The following PCDHA3 variants were observed in gnomAD, a reference collection of about 807,000 sequenced individuals.
PCDHA3 encodes protocadherin alpha 3, also known as protocadherin alpha-3.
In PCDHA3, 41 loss-of-function variants were observed where a neutral mutation model predicts 62.2. The observed-to-expected ratio is 0.66, with a 90% CI of 0.51 to 0.86. The LOEUF (loss-of-function observed/expected upper bound fraction) is 0.86, where lower values mean the gene tolerates loss of function less well. Among genes scored for constraint, PCDHA3 ranks in the 40% least tolerant of loss-of-function variants. The pLI is 0.00. For missense variants in PCDHA3, 1,304 were observed against 1,241.2 expected (o/e 1.05, Z -0.76); for synonymous variants, 640 against 555.4 (o/e 1.15, Z -2.14).
intron 3 of PCDHA3, among the ~76,000 whole-genome samples, chr5:141,000,416 TA>T (rs1479552208): frequency 1.6e-3 from 150 of 93,344 alleles, no homozygotes; most frequent in Non-Finnish European, 2.1e-3. Flanking sequence ...TATATATATA[TA>T]TATATTTTTT....
intron 1 of PCDHA3, chr5:140,967,336 C>T (rs782067589): frequency 5.0e-6 from 8 of 1,607,396 alleles, no homozygotes; most frequent in Admixed American, 1.7e-5. Context: ...TCAGCCCCAG[C>T]GAGCACTTCG....
chr5:140,833,120 T>G (rs1772308754), intron 1 of PCDHA3, among the ~76,000 whole-genome samples: 3 of 152,202 alleles, frequency 2.0e-5, no homozygotes, highest in Non-Finnish European at 4.4e-5. Context: ...TCAAAGTCAT[T>G]TGAAAGCTGT....
At chr5:140,873,141 C>A (rs1275722582) in intron 1 of PCDHA3, among the ~76,000 whole-genome samples, 3 of 152,064 alleles carry the variant, frequency 2.0e-5, no homozygotes, top group African/African-American at 7.2e-5. Flanking sequence ...TATGCTGAAG[C>A]CTATTCATAG....
chr5:140,903,884 A>C (rs1466107424), intron 1 of PCDHA3, among the ~76,000 whole-genome samples: 1 of 152,214 alleles, frequency 6.6e-6, no homozygotes, highest in Non-Finnish European at 1.5e-5. Context: ...AAGACATTGA[A>C]TCTTGACCTG....
chr5:141,005,308 TA>T (rs1345689314), intron 3 of PCDHA3, among the ~76,000 whole-genome samples: 4 of 152,214 alleles, frequency 2.6e-5, no homozygotes, highest in Non-Finnish European at 4.4e-5. Context: ...TTGTGAATCT[TA>T]CAGTGGTAGA....
At chr5:140,998,591 T>A (rs2097823979) in intron 3 of PCDHA3, among the ~76,000 whole-genome samples, 1 of 150,884 alleles carries the variant, frequency 6.6e-6, no homozygotes, top group Non-Finnish European at 1.5e-5. Context: ...TGAGACAGAG[T>A]TTTGCTCTTG....
At chr5:140,829,620 T>C (rs1770444149) in intron 1 of PCDHA3, 2 of 1,612,108 alleles carry the variant, frequency 1.2e-6, no homozygotes, top group East Asian at 4.5e-5. Context: ...TACATTTCGG[T>C]GCACGCGGAG....
chr5:140,823,472 T>C lies in PCDHA3; in HGVS notation c.2394+19881T>C, dbSNP rs2150126128. 4.3e-6 allele frequency: 7 copies of C among 1,613,286 alleles called. No individual in the cohort carries two copies. The African/African-American group carries it at 5.3e-5, about 12-fold the overall frequency. On this transcript the variant is annotated intron_variant, in intron 1 of 3. Coordinates refer to ENST00000522353, the MANE Select transcript of PCDHA3 (RefSeq NM_018906.3). ...AACGACAACGCGCCGGCGCTGCTGG[T>C]GCCTCGAGTGGGTGGCACCGGCGGC...
intron 1 of PCDHA3, among the ~76,000 whole-genome samples, chr5:140,977,308 A>G (rs2096754925): frequency 6.6e-6 from 1 of 152,230 alleles, no homozygotes; most frequent in South Asian, 2.1e-4. Context: ...CAAGCTAACG[A>G]TAGTGCTCCT....
chr5:140,809,297 A>T, intron 1 of PCDHA3: 1 of 1,614,102 alleles, frequency 6.2e-7, no homozygotes, highest in Non-Finnish European at 8.5e-7. Flanking sequence ...GATCATTGCC[A>T]TCTGCGCGGT....
intron 1 of PCDHA3, chr5:140,830,300 C>T: frequency 6.2e-7 from 1 of 1,613,888 alleles, no homozygotes; most frequent in Non-Finnish European, 8.5e-7. Flanking sequence ...GGCGGACAAG[C>T]CCACGCTGGT....
chr5:140,896,465 C>A (rs967658819), intron 1 of PCDHA3, among the ~76,000 whole-genome samples: 2 of 151,988 alleles, frequency 1.3e-5, no homozygotes, highest in Non-Finnish European at 2.9e-5. Flanking sequence ...TGGGTTCAAG[C>A]GGTTCTCCTG....
At chr5:140,818,283 C>T (rs1766323744) in intron 1 of PCDHA3, among the ~76,000 whole-genome samples, 1 of 152,044 alleles carries the variant, frequency 6.6e-6, no homozygotes, top group Non-Finnish European at 1.5e-5. Context: ...TTTCATAATC[C>T]ATGTTTTATT....
At position 140,950,434 on chromosome 5, in the gene PCDHA3, A is replaced by G. The variant is rs554490421; in HGVS notation, c.2395-28515A>G. Among the ~76,000 whole-genome samples, 4 of 152,176 alleles carry G rather than the reference A, an allele frequency of 2.6e-5. No homozygotes were observed. The South Asian group carries it at 8.3e-4, about 32-fold the overall frequency. On this transcript the variant is annotated intron_variant, in intron 1 of 3. Transcript: ENST00000522353. ...AGATTTTATTTTCTTCCACTTAAAA[A>G]AAATGTTATTCTACTGTCTTCTAAT...
At position 141,001,385 on chromosome 5, in the gene PCDHA3, T is replaced by A. The variant is rs540420313; in HGVS notation, c.2543-8242T>A. 3.9e-5 allele frequency among the ~76,000 whole-genome samples: 6 copies of A among 152,316 alleles called. No homozygotes were observed. The East Asian group carries it at 1.2e-3, about 29-fold the overall frequency. ...ACTATTCTGATTACAGAGCCTAAGA[T>A]CCTACAGAGAACAGGGAGTATATTT... On this transcript the variant is annotated intron_variant, in intron 3 of 3. Transcript: ENST00000522353.
At chr5:140,934,664 T>C (rs1268113575) in intron 1 of PCDHA3, among the ~76,000 whole-genome samples, 4 of 152,176 alleles carry the variant, frequency 2.6e-5, no homozygotes, top group Non-Finnish European at 5.9e-5. Flanking sequence ...TCTTCCCCTT[T>C]GTTTAGCAGT....
At chr5:140,876,101 T>C (rs2056113076) in intron 1 of PCDHA3, 1 of 1,613,984 alleles carries the variant, frequency 6.2e-7, no homozygotes, top group East Asian at 2.2e-5. Flanking sequence ...AAACTCAATT[T>C]ATTGCTGATG....
Position 140,809,688 on chromosome 5 carries a change from A to G in PCDHA3, c.2394+6097A>G, listed in dbSNP as rs143537982. The G allele has an allele frequency of 3.8e-4, 482 of 1,285,242 alleles. 2 individuals are homozygous for G. In the African/African-American group the frequency reaches 6.7e-3, roughly 18 times the overall value. 79.6% of individuals were successfully genotyped at this position (1,285,242 alleles called of 1,614,324 possible). On this transcript the variant is annotated intron_variant, in intron 1 of 3. Transcript: ENST00000522353. ...GGGTTAAAATTTTACCTCTTTTTAC[A>G]TATCCATTTTAACTAAAGTCTTTTG...
In PCDHA3 at chr5:140,852,957, C is replaced by T. The variant is rs193082588; in HGVS notation, c.2394+49366C>T. The T allele has an allele frequency of 2.4e-3, 1,034 of 439,410 alleles. 42 individuals carry two copies. The highest frequency in any genetic ancestry group is 0.021 in the African/African-American group (968 of 46,052). 27.2% of individuals were successfully genotyped at this position (439,410 alleles called of 1,614,324 possible). On this transcript the variant is annotated intron_variant, in intron 1 of 3. Transcript: ENST00000522353. ...GCAGTGGTGCCATCTTGGCTCACTC[C>T]AAGCTCCCCCTCCCGTGTTCACGCC... is the stretch of plus-strand genomic sequence containing the variant.
Sources: allele counts gnomAD v4.1 joint callset (sites outside exome capture counted in the v4.1 genomes callset), GRCh38; gene constraint gnomAD v4.1.1; transcripts MANE v1.5; gene names NCBI Gene and HGNC (gene_info 2026-07-23, HGNC 2026-07-21).